CCDC34: variants seen among roughly 807,000 people sequenced by gnomAD.
CCDC34 encodes coiled-coil domain-containing protein 34.
In CCDC34, 40 loss-of-function variants were observed where a neutral mutation model predicts 44.1. The ratio of observed to expected loss-of-function variants is 0.91; its 90% CI spans 0.70 to 1.18. The LOEUF is 1.18. Ranked by LOEUF, CCDC34 falls within the 50% of genes most tolerant of loss-of-function variation. CCDC34 has a pLI of 0.00. For missense variants in CCDC34, 466 were observed against 452.3 expected (o/e 1.03, Z -0.28); for synonymous variants, 159 against 158.2 (o/e 1.01, Z -0.04).
At chr11:27,351,302 G>A (rs1862500918) in intron 2 of CCDC34, among the ~76,000 whole-genome samples, 3 of 152,088 alleles carry the variant, frequency 2.0e-5, no homozygotes, top group Admixed American at 6.5e-5. Flanking sequence ...ACCTACTTGG[G>A]CATGGGTGGT....
intron 5 of CCDC34, 82 bp from the exon 6 acceptor site, chr11:27,339,117 G>T: frequency 1.0e-6 from 1 of 985,132 alleles, no homozygotes; most frequent in Non-Finnish European, 1.5e-6. Flanking sequence ...CTAGAAAAAT[G>T]TTAAAATGTC....
In CCDC34 at chr11:27,363,065, C is replaced by G. The variant is rs746899621; in HGVS notation, c.130G>C (p.Gly44Arg). The G allele has an allele frequency of 1.2e-6, 2 of 1,612,994 alleles. No homozygotes were observed. Among genetic ancestry groups the G allele is most frequent in the Admixed American group, 1.7e-5 (1 of 59,954 alleles). ...GACGGCGAGCGCACCACCTCCAGCC[C>G]CTGCCCACGTGCGCCCGTCATAGGG... ...SVPMTGARGQ[G>R]LEVVRSPSPP... is the part of the protein sequence containing the mutation. Residue 44 changes from glycine to arginine, a missense_variant, in exon 1 of 6, where the codon GGG becomes CGG. By Grantham distance (125) the Gly-to-Arg change is moderately radical (BLOSUM62 -2). Transcript: ENST00000328697.
intron 3 of CCDC34, among the ~76,000 whole-genome samples, chr11:27,345,635 A>G (rs1407621572): frequency 6.6e-6 from 1 of 152,206 alleles, no homozygotes; most frequent in East Asian, 1.9e-4. Context: ...TTATGGCTGC[A>G]TAGTATTCCA....
chr11:27,362,870 T>C lies in CCDC34; in HGVS notation c.325A>G (p.Ser109Gly). 6.2e-7 allele frequency: 1 copy of C among 1,614,122 alleles called. No homozygotes were observed. Residue 109 changes from serine to glycine, a missense_variant, in exon 1 of 6, where the codon AGC becomes GGC. Physicochemically the swap from Ser to Gly is moderately conservative, Grantham distance 56. Coordinates refer to ENST00000328697, the MANE Select transcript of CCDC34 (RefSeq NM_030771.2). The stretch of plus-strand genomic sequence containing the variant: ...CCCTGTAACTCCATTCCTCTCAGGC[T>C]CGCCACTTTGGCCTCTGAATCATGG... ...DAHDSEAKVA[S>G]LRGMELQGCA... is the part of the protein sequence containing the mutation.
rs1565056510 is a variant in CCDC34 at position 27,339,014 on chromosome 11, T to G, written c.929A>C (p.Tyr310Ser). The change falls in exon 6 of 6, where the codon TAT becomes TCT. Residue 310 changes from tyrosine to serine, a missense_variant. Transcript: ENST00000328697. ...KLTGFYSGNS[Y>S]PEPAFYNPIP... ...TGGATTATAAAAGGCTGGTTCTGGA[T>G]AGGAATTTCCACTGTAAAAACCTAA... 2.5e-6 allele frequency: 4 copies of G among 1,611,320 alleles called. No individual in the cohort carries two copies. Among genetic ancestry groups the G allele is most frequent in the Non-Finnish European group, 8.5e-7 (1 of 1,179,388 alleles).
chr11:27,351,632 T>C (rs1862504241), intron 2 of CCDC34, among the ~76,000 whole-genome samples: 1 of 152,226 alleles, frequency 6.6e-6, no homozygotes, highest in African/African-American at 2.4e-5. Context: ...CAATAACTGA[T>C]ATAAATCTGA....
intron 3 of CCDC34, chr11:27,349,433 A>G: frequency 1.2e-6 from 1 of 829,664 alleles, no homozygotes; most frequent in Non-Finnish European, 1.5e-6. Context: ...TACTGAAATT[A>G]TTTACTTAGT....
Position 27,340,698 on chromosome 11 carries a change from G to C in CCDC34, c.905C>G (p.Thr302Arg), listed in dbSNP as rs1471082007. The C allele has an allele frequency of 3.1e-6, 5 of 1,606,602 alleles. No individual in the cohort carries two copies. The East Asian group carries it at 1.1e-4, about 36-fold the overall frequency. Residue 302 changes from threonine to arginine, a missense_variant and splice_region_variant, in exon 5 of 6, where the codon ACA becomes AGA. By Grantham distance (71) the Thr-to-Arg change is moderately conservative (BLOSUM62 -1). Transcript: ENST00000328697. ...KSYGYANGKL[T>R]GFYSGNSYPE... The stretch of plus-strand genomic sequence containing the variant: ...AGCCACACAACATAAAAACCAACCT[G>C]TAAGTTTTCCATTGGCATAACCATA...
At chr11:27,351,304 A>G (rs1004092799) in intron 2 of CCDC34, among the ~76,000 whole-genome samples, 1 of 152,200 alleles carries the variant, frequency 6.6e-6, no homozygotes, top group Non-Finnish European at 1.5e-5. Flanking sequence ...CTACTTGGGC[A>G]TGGGTGGTAG....
chr11:27,360,012 T>C (rs534820368), intron 1 of CCDC34, among the ~76,000 whole-genome samples: 112 of 152,272 alleles, frequency 7.4e-4, no homozygotes, highest in African/African-American at 2.5e-3. Flanking sequence ...TAGGAAACAG[T>C]TGTTGAAAGA....
chr11:27,356,369 A>G (rs987083672), intron 2 of CCDC34, among the ~76,000 whole-genome samples: 2 of 152,056 alleles, frequency 1.3e-5, no homozygotes, highest in Non-Finnish European at 2.9e-5. Flanking sequence ...AACATCCAAC[A>G]AGAGTGAAAC....
chr11:27,349,095 G>A lies in CCDC34; in HGVS notation c.606+1237C>T, dbSNP rs1170026556. The A allele has an allele frequency of 4.1e-6, 4 of 984,932 alleles. No homozygotes were observed. The African/African-American group carries it at 5.2e-5, about 13-fold the overall frequency. 61.0% of individuals were successfully genotyped at this position (984,932 alleles called of 1,614,324 possible). A position where few individuals can be genotyped will look rare whatever the true frequency, so the allele number is the denominator to read the frequency against. On this transcript the variant is annotated intron_variant, in intron 3 of 5. Transcript: ENST00000328697. ...GACAAACAACAACTAGGTTTGATTG[G>A]CATGGTAAAATTAGCTTAATGGAGT...
intron 5 of CCDC34, among the ~76,000 whole-genome samples, chr11:27,339,249 T>C (rs1438338851): frequency 6.6e-6 from 1 of 152,142 alleles, no homozygotes; most frequent in Non-Finnish European, 1.5e-5. Flanking sequence ...AAAGCATAAA[T>C]GATAATTCTA....
chr11:27,351,911 A>C (rs989143300), intron 2 of CCDC34, among the ~76,000 whole-genome samples: 1 of 152,142 alleles, frequency 6.6e-6, no homozygotes, highest in Non-Finnish European at 1.5e-5. Flanking sequence ...TAGATGGAGA[A>C]GGTCTTTTGA....
At chr11:27,357,896 T>C (rs1166255316) in intron 1 of CCDC34, among the ~76,000 whole-genome samples, 1 of 152,174 alleles carries the variant, frequency 6.6e-6, no homozygotes, top group South Asian at 2.1e-4. Context: ...CATATAATCC[T>C]AATCAGATAC....
At chr11:27,351,628 CT>C (rs1272878933) in intron 2 of CCDC34, among the ~76,000 whole-genome samples, 1 of 152,174 alleles carries the variant, frequency 6.6e-6, no homozygotes, top group Non-Finnish European at 1.5e-5. Context: ...CTAGCAATAA[CT>C]GATATAAATC....
intron 4 of CCDC34, 121 bp from the exon 5 acceptor site, chr11:27,340,958 C>G: frequency 1.3e-6 from 1 of 779,420 alleles, no homozygotes; most frequent in South Asian, 2.0e-5. Context: ...GGCCATAATA[C>G]TGAATCATAT....
intron 2 of CCDC34, among the ~76,000 whole-genome samples, chr11:27,352,156 A>G (rs1862509942): frequency 1.3e-5 from 2 of 152,112 alleles, no homozygotes; most frequent in African/African-American, 4.8e-5. Context: ...GCTGAAGCGG[A>G]TGGATCACTT....
In CCDC34 at chr11:27,363,049, C is replaced by T. The variant is rs1162425480; in HGVS notation, c.146G>A (p.Arg49His). Reference sequence around the variant, plus strand: ...CAGCGGCAGCGGCGGCGACGGCGAGCGCACCACCTCCAGCCCCTGCCCACG... The same window carrying T: ...CAGCGGCAGCGGCGGCGACGGCGAGTGCACCACCTCCAGCCCCTGCCCACG... ...GARGQGLEVVRSPSPPLPLSC... is the reference protein window; with the variant it reads ...GARGQGLEVVHSPSPPLPLSC... Residue 49 changes from arginine (R) to histidine (H), a missense_variant, in exon 1 of 6, where the codon CGC (arginine) becomes CAC (histidine). Coordinates refer to ENST00000328697, the MANE Select transcript of CCDC34 (RefSeq NM_030771.2). 2 of 1,613,530 alleles carry T rather than the reference C, an allele frequency of 1.2e-6. No individual in the cohort carries two copies. The highest frequency in any genetic ancestry group is 1.3e-5 in the African/African-American group (1 of 74,940).
Sources: gnomAD v4.1 joint callset for allele counts (sites outside exome capture counted in the v4.1 genomes callset) on GRCh38, gnomAD v4.1.1 for gene constraint, MANE v1.5 for transcripts, NCBI Gene and HGNC (gene_info 2026-07-23, HGNC 2026-07-21) for gene names.